The following ZNF518B variants were observed in gnomAD, a reference collection of about 807,000 sequenced individuals.
ZNF518B encodes zinc finger protein 518B.
Under a neutral mutation model 56.3 loss-of-function variants are expected in ZNF518B, and 23 were observed. The ratio of observed to expected loss-of-function variants is 0.41; its 90% CI spans 0.29 to 0.58. The LOEUF (loss-of-function observed/expected upper bound fraction) is 0.58, where lower values mean the gene tolerates loss of function less well. Among genes scored for constraint, ZNF518B ranks in the 20% least tolerant of loss-of-function variants. The pLI is 0.32. For synonymous variants in ZNF518B, 529 were observed against 465.9 expected, an observed-to-expected ratio of 1.14 and a Z score of -1.74; for missense variants, 1,460 against 1,272.1, an observed-to-expected ratio of 1.15 and a Z score of -2.25.
upstream of ZNF518B, among the ~76,000 whole-genome samples, chr4:10,460,461 T>C (rs1715711722): frequency 6.6e-6 from 1 of 151,744 alleles, no homozygotes; most frequent in African/African-American, 2.4e-5. Flanking sequence ...GCCTTACAAA[T>C]GCAATGACGG....
At chr4:10,458,535 A>G (rs918574953), upstream of ZNF518B, among the ~76,000 whole-genome samples, 2 of 152,208 alleles carry the variant, frequency 1.3e-5, no homozygotes, top group Admixed American at 6.5e-5. Context: ...CCACTAAAGT[A>G]TCAGGAGCTG....
At chr4:10,450,590 C>T (rs967356127) in intron 2 of ZNF518B, among the ~76,000 whole-genome samples, 3 of 152,196 alleles carry the variant, frequency 2.0e-5, no homozygotes, top group Non-Finnish European at 4.4e-5. Context: ...GTCCCTTCCA[C>T]ACAACGTCCT....
At chr4:10,458,424 T>C (rs1039676547), upstream of ZNF518B, among the ~76,000 whole-genome samples, 1 of 152,180 alleles carries the variant, frequency 6.6e-6, no homozygotes, top group Non-Finnish European at 1.5e-5. Context: ...GCCAGTATGC[T>C]GCACGGAGGA....
chr4:10,448,382 C>T (rs1364952137), intron 2 of ZNF518B, among the ~76,000 whole-genome samples: 2 of 152,072 alleles, frequency 1.3e-5, no homozygotes. Context: ...TTTAAAAAAG[C>T]CCCTCCACAG....
At chr4:10,452,593 T>C (rs1034810187) in intron 2 of ZNF518B, 1 of 152,284 alleles carries the variant, frequency 6.6e-6, no homozygotes, top group Admixed American at 6.5e-5. Flanking sequence ...TCTAAGACCA[T>C]TAATATGAAT....
Position 10,444,436 on chromosome 4 carries a change from T to G in ZNF518B, c.1893A>C (p.Pro631=). ...TCAGAGAAAATACTGATGAGATGAC[T>G]GGGCCATCATTAGTGTTGTTAGTCC... is the stretch of plus-strand genomic sequence containing the variant. The part of the protein sequence containing the change: ...SERTNNTNDG[P]VISSVFSLSS... The change falls in exon 3 of 3, where the codon CCA becomes CCC. Residue 631 remains proline, a synonymous_variant. Transcript: ENST00000326756. The G allele has an allele frequency of 3.1e-6, 5 of 1,614,230 alleles. No individual in the cohort carries two copies. In the South Asian group the frequency reaches 4.4e-5, roughly 14 times the overall value.
In ZNF518B at chr4:10,440,739, C is replaced by A. The variant is rs1055780661; in HGVS notation, c.*2365G>T. The A allele has an allele frequency of 6.6e-6, 1 of 152,012 alleles. No homozygotes were observed. The highest frequency in any genetic ancestry group is 2.4e-5 in the African/African-American group (1 of 41,362). 9.4% of individuals were successfully genotyped at this position (152,012 alleles called of 1,614,324 possible). A position where few individuals can be genotyped will look rare whatever the true frequency, so the allele number is the denominator to read the frequency against. ...TACTTATGCTTGAAAGTTGATGCTG[C>A]GAAGTGAAAATACTTCATGTTGACA... On this transcript the variant is annotated 3_prime_UTR_variant, in exon 3 of 3. Coordinates refer to ENST00000326756, the MANE Select transcript of ZNF518B (RefSeq NM_053042.3).
At chr4:10,453,477 G>A (rs955752461) in intron 2 of ZNF518B, 1 of 151,922 alleles carries the variant, frequency 6.6e-6, no homozygotes, top group Non-Finnish European at 1.5e-5. Flanking sequence ...CAAAGGAAGT[G>A]ATATTATAGG....
rs569706927 is a variant in ZNF518B, at chr4:10,442,060, C to T, written c.*1044G>A. The T allele has an allele frequency of 3.3e-5, 5 of 152,306 alleles. No individual in the cohort carries two copies. The highest frequency in any genetic ancestry group is 1.2e-4 in the African/African-American group (5 of 41,548). 9.4% of individuals were successfully genotyped at this position (152,306 alleles called of 1,614,324 possible). On this transcript the variant is annotated 3_prime_UTR_variant, in exon 3 of 3. Coordinates refer to ENST00000326756, the MANE Select transcript of ZNF518B (RefSeq NM_053042.3). The stretch of plus-strand genomic sequence containing the variant: ...CAGTGGGCAAGGAAGTTGTGCTAGT[C>T]CACAGGAGGGCCGGTTCAGAAGAAA...
At chr4:10,447,884 G>C (rs1715139654) in intron 2 of ZNF518B, among the ~76,000 whole-genome samples, 1 of 151,980 alleles carries the variant, frequency 6.6e-6, no homozygotes, top group Non-Finnish European at 1.5e-5. Context: ...CCTGACCTCA[G>C]GTGATCTGCC....
chr4:10,457,334 G>A lies in ZNF518B; in HGVS notation c.-413C>T, dbSNP rs1694671083. Reference sequence around the variant, plus strand: ...CTACTTACCCGGCAGGCCGGATTCGGGTGCCAGGTCCCGGCGAAGGGGCGT... The same window carrying A: ...CTACTTACCCGGCAGGCCGGATTCGAGTGCCAGGTCCCGGCGAAGGGGCGT... On this transcript the variant is annotated 5_prime_UTR_variant, in exon 1 of 3. Transcript: ENST00000326756. 1 of 151,904 alleles carries A rather than the reference G, an allele frequency of 6.6e-6. No individual in the cohort carries two copies. Among genetic ancestry groups the A allele is most frequent in the African/African-American group, 2.4e-5 (1 of 41,406 alleles). 9.4% of individuals were successfully genotyped at this position (151,904 alleles called of 1,614,324 possible). A position where few individuals can be genotyped will look rare whatever the true frequency, so the allele number is the denominator to read the frequency against.
chr4:10,455,371 G>C (rs1715484473), intron 1 of ZNF518B, among the ~76,000 whole-genome samples: 1 of 152,162 alleles, frequency 6.6e-6, no homozygotes, highest in Admixed American at 6.5e-5. Flanking sequence ...GGCAGTTTGA[G>C]AACAATCATG....
chr4:10,445,379 G>C lies in ZNF518B; in HGVS notation c.950C>G (p.Ser317Cys). ...TGGCTGAACAGGTTCTTTTGCAGGG[G>C]ATAACACTTCTACTTCAACATTTTT... ...ENKNVEVEVLSPAKEPVQPGM... is the reference protein window; with the variant it reads ...ENKNVEVEVLCPAKEPVQPGM... Residue 317 changes from serine to cysteine, a missense_variant, in exon 3 of 3, where the codon TCC becomes TGC. Coordinates refer to ENST00000326756, the MANE Select transcript of ZNF518B (RefSeq NM_053042.3). The C allele has an allele frequency of 1.2e-6, 2 of 1,614,234 alleles. No homozygotes were observed. The highest frequency in any genetic ancestry group is 1.7e-6 in the Non-Finnish European group (2 of 1,180,036).
At chr4:10,459,460 G>T (rs186100080), upstream of ZNF518B, among the ~76,000 whole-genome samples, 2 of 152,134 alleles carry the variant, frequency 1.3e-5, no homozygotes, top group East Asian at 3.9e-4. Flanking sequence ...GATCACTTCT[G>T]TCACGAGTTG....
chr4:10,453,153 G>C (rs1188677925), intron 2 of ZNF518B: 1 of 152,250 alleles, frequency 6.6e-6, no homozygotes, highest in Non-Finnish European at 1.5e-5. Context: ...TTATACAGCT[G>C]ATGTGAGGAC....
In ZNF518B at chr4:10,444,530, A is replaced by G. The variant is rs759057633; in HGVS notation, c.1799T>C (p.Ile600Thr). 2.5e-6 allele frequency: 4 copies of G among 1,614,082 alleles called. No homozygotes were observed. Among genetic ancestry groups the G allele is most frequent in the Non-Finnish European group, 3.4e-6 (4 of 1,180,024 alleles). ...SSQHKSEYLHINITGEDRSQQ... is the reference protein window; with the variant it reads ...SSQHKSEYLHTNITGEDRSQQ... ...AGATCTATCTTCTCCAGTTATGTTT[A>G]TATGTAAATACTCACTCTTATGTTG... Residue 600 changes from isoleucine (I) to threonine (T), a missense_variant, in exon 3 of 3, where the codon ATA becomes ACA. Transcript: ENST00000326756.
chr4:10,443,867 G>A lies in ZNF518B; in HGVS notation c.2462C>T (p.Ser821Leu), dbSNP rs778312511. 5.6e-6 allele frequency: 9 copies of A among 1,614,206 alleles called. No individual in the cohort carries two copies. In the South Asian group the frequency reaches 9.9e-5, roughly 18 times the overall value. ...VPFCPVRQAD[S>L]DLQPLRSERG... is the part of the protein sequence containing the mutation. ...TTCACTTCTTAAAGGCTGTAAGTCT[G>A]AGTCCGCCTGTCTCACAGGGCAAAA... Residue 821 changes from serine (S) to leucine (L), a missense_variant, in exon 3 of 3, where the codon TCA becomes TTA. Physicochemically the swap from Ser to Leu is moderately radical, Grantham distance 145 (BLOSUM62 -2). Coordinates refer to ENST00000326756, the MANE Select transcript of ZNF518B (RefSeq NM_053042.3).
chr4:10,446,374 T>G lies in ZNF518B; in HGVS notation c.-46A>C. On this transcript the variant is annotated 5_prime_UTR_variant, in exon 3 of 3. The change abolishes the stop of an existing upstream ORF in the 5' untranslated region. Transcript: ENST00000326756. ...GAGCCAACTAAAATTCAGAAAGTTT[T>G]CACATGATAAAATCCTTAGGAGATA... is the stretch of plus-strand genomic sequence containing the variant. The G allele has an allele frequency of 6.4e-7, 1 of 1,561,918 alleles. No individual in the cohort carries two copies. Among genetic ancestry groups the G allele is most frequent in the Non-Finnish European group, 8.7e-7 (1 of 1,143,068 alleles).
In ZNF518B at chr4:10,445,566, T is replaced by G. The variant is rs1450368572; in HGVS notation, c.763A>C (p.Lys255Gln). 6.2e-7 allele frequency: 1 copy of G among 1,614,212 alleles called. No individual in the cohort carries two copies. The highest frequency in any genetic ancestry group is 1.1e-5 in the South Asian group (1 of 91,090). The change falls in exon 3 of 3, where the codon AAG (lysine) becomes CAG (glutamine). Residue 255 changes from lysine (K) to glutamine (Q), a missense_variant. Lys to Gln is a moderately conservative substitution (Grantham distance 53). Coordinates refer to ENST00000326756, the MANE Select transcript of ZNF518B (RefSeq NM_053042.3). The stretch of plus-strand genomic sequence containing the variant: ...AAACCTGACAGTTGGTCTGACCACT[T>G]ATTTTGAAATGTAGTCCGTGGATTG... ...ASNPRTTFQN[K>Q]WSDQLSGFSL...
Sources: allele counts gnomAD v4.1 joint callset (sites outside exome capture counted in the v4.1 genomes callset), GRCh38; gene constraint gnomAD v4.1.1; transcripts MANE v1.5; gene names NCBI Gene and HGNC (gene_info 2026-07-23, HGNC 2026-07-21).